The following LRPAP1 variants were observed in gnomAD, a reference collection of about 807,000 sequenced individuals.
LRPAP1 encodes the protein LDL receptor related protein associated protein 1, also known as alpha-2-macroglobulin receptor-associated protein.
Under a neutral mutation model 39.9 loss-of-function variants are expected in LRPAP1, and 41 were observed. That is an observed-to-expected ratio of 1.03 (90% CI 0.80 to 1.33). The LOEUF (loss-of-function observed/expected upper bound fraction) is 1.33. Ranked by LOEUF, LRPAP1 falls within the 40% of genes most tolerant of loss-of-function variation. The probability of loss-of-function intolerance (pLI) is 0.00; values close to 1 mark genes in which losing one functional copy is unlikely to be tolerated. For synonymous variants in LRPAP1, 263 were observed against 212.7 expected (o/e 1.24, Z -2.06); for missense variants, 565 against 482.3 (o/e 1.17, Z -1.61).
chr4:3,522,948 A>G (rs1226233560), intron 2 of LRPAP1, among the ~76,000 whole-genome samples: 3 of 151,744 alleles, frequency 2.0e-5, no homozygotes, highest in Non-Finnish European at 4.4e-5. Flanking sequence ...GGCACGGGGG[A>G]CCTCGGGGGT....
At chr4:3,520,305 T>G in intron 2 of LRPAP1, 112 bp from the exon 3 acceptor site, 1 of 1,135,266 alleles carries the variant, frequency 8.8e-7, no homozygotes, top group Non-Finnish European at 1.3e-6. Context: ...CATTTTCCAG[T>G]AGTTTCCTTT....
Position 3,524,148 on chromosome 4 carries a change from G to A in LRPAP1, c.349+759C>T, listed in dbSNP as rs768157067. On this transcript the variant is annotated intron_variant, in intron 2 of 7. Coordinates refer to ENST00000650182, the MANE Select transcript of LRPAP1 (RefSeq NM_002337.4). ...CCCACCTGGTGTGCGTCCTCTGCCCGCCAGTGCCCTGCCGACGGGCCCGTG... is the reference window on the plus strand; with the variant it reads ...CCCACCTGGTGTGCGTCCTCTGCCCACCAGTGCCCTGCCGACGGGCCCGTG... Among the ~76,000 whole-genome samples the A allele has an allele frequency of 3.3e-5, 5 of 152,198 alleles. No individual in the cohort carries two copies. In the South Asian group the frequency reaches 6.2e-4, roughly 19 times the overall value.
At chr4:3,530,667 G>C (rs1035979864) in intron 1 of LRPAP1, among the ~76,000 whole-genome samples, 2 of 152,216 alleles carry the variant, frequency 1.3e-5, no homozygotes, top group African/African-American at 4.8e-5. Flanking sequence ...GGACAGTGCA[G>C]GGGCAGCCCG....
At chr4:3,527,768 T>G (rs924526984) in intron 1 of LRPAP1, among the ~76,000 whole-genome samples, 1 of 152,180 alleles carries the variant, frequency 6.6e-6, no homozygotes, top group Non-Finnish European at 1.5e-5. Flanking sequence ...CCAGGGCTGC[T>G]GAAGTCCTGG....
chr4:3,512,901 G>A lies in LRPAP1; in HGVS notation c.*73C>T, dbSNP rs1015458269. The A allele has an allele frequency of 4.1e-5, 58 of 1,424,426 alleles. 2 individuals are homozygous for A. In the South Asian group the frequency reaches 6.1e-4, roughly 15 times the overall value. 88.2% of individuals were successfully genotyped at this position (1,424,426 alleles called of 1,614,324 possible). On this transcript the variant is annotated 3_prime_UTR_variant, in exon 8 of 8. Transcript: ENST00000650182. ...GCCACCCTGACGGCGGGCTGTCCAC[G>A]GAAATGCCACGGCCAAGAGCCCAGG...
At position 3,530,394 on chromosome 4, in the gene LRPAP1, T is replaced by C. The variant is rs115348963; in HGVS notation, c.204+1815A>G. On this transcript the variant is annotated intron_variant, in intron 1 of 7. Coordinates refer to ENST00000650182, the MANE Select transcript of LRPAP1 (RefSeq NM_002337.4). ...GCCTGCCTGCCATAGTACCAGGCTC[T>C]CTGGAATGGGGGAAGACACACAAAA... Among the ~76,000 whole-genome samples the C allele has an allele frequency of 9.8e-3, 1,492 of 152,302 alleles. 28 individuals are homozygous for C. Among genetic ancestry groups the C allele is most frequent in the African/African-American group, 0.035 (1,435 of 41,556 alleles).
Position 3,515,349 on chromosome 4 carries a change from C to G in LRPAP1, c.835-421G>C, listed in dbSNP as rs533629615. Among the ~76,000 whole-genome samples, 6 of 152,304 alleles carry G rather than the reference C, an allele frequency of 3.9e-5. No homozygotes were observed. In the South Asian group the frequency reaches 1.0e-3, roughly 26 times the overall value. ...CCCTGCCCTGCCTTGACCCCACGCT[C>G]CAGACCCAGGGCCCTCCATGTGGCC... On this transcript the variant is annotated intron_variant, in intron 6 of 7. Coordinates refer to ENST00000650182, the MANE Select transcript of LRPAP1 (RefSeq NM_002337.4).
At chr4:3,519,627 C>G (rs1729846436) in intron 3 of LRPAP1, among the ~76,000 whole-genome samples, 1 of 152,214 alleles carries the variant, frequency 6.6e-6, no homozygotes, top group Non-Finnish European at 1.5e-5. Context: ...CCCACCAGGC[C>G]CTGCTGGGTC....
Position 3,518,025 on chromosome 4 carries a change from G to A in LRPAP1, c.751+9C>T, listed in dbSNP as rs1056121700. 3.1e-6 allele frequency: 5 copies of A among 1,596,494 alleles called. No individual in the cohort carries two copies. The Admixed American group carries it at 5.1e-5, about 16-fold the overall frequency. Reference sequence around the variant, plus strand: ...CCTCGGGAACCAACAGTCCCGGGCGGGCACTCACCAGCCTCAGTGCTGTAG... The same window carrying A: ...CCTCGGGAACCAACAGTCCCGGGCGAGCACTCACCAGCCTCAGTGCTGTAG... On this transcript the variant is annotated intron_variant, in intron 5 of 7. Coordinates refer to ENST00000650182, the MANE Select transcript of LRPAP1 (RefSeq NM_002337.4).
At position 3,507,816 on chromosome 4, in the gene LRPAP1, A is replaced by G. The variant is rs1299097188; in HGVS notation, c.*5158T>C. 6.6e-6 allele frequency: 1 copy of G among 152,256 alleles called. No homozygotes were observed. Among genetic ancestry groups the G allele is most frequent in the Non-Finnish European group, 1.5e-5 (1 of 68,050 alleles). The allele number at this position is 152,256 out of a possible 1,614,324, so 9.4% of individuals were successfully genotyped here. ...TTTGGGGAAAATATCTGTAAAAATGATAAACTCTTAGCTAGTCTGATCAGG... is the reference window on the plus strand; with the variant it reads ...TTTGGGGAAAATATCTGTAAAAATGGTAAACTCTTAGCTAGTCTGATCAGG... On this transcript the variant is annotated 3_prime_UTR_variant, in exon 8 of 8. Coordinates refer to ENST00000650182, the MANE Select transcript of LRPAP1 (RefSeq NM_002337.4).
intron 2 of LRPAP1, among the ~76,000 whole-genome samples, chr4:3,520,630 C>CT (rs1323286140): frequency 6.6e-6 from 1 of 152,262 alleles, no homozygotes; most frequent in Non-Finnish European, 1.5e-5. Flanking sequence ...GGCAAAAACT[C>CT]TAAGGACCAC....
chr4:3,524,705 C>T (rs999370222), intron 2 of LRPAP1, among the ~76,000 whole-genome samples: 3 of 152,248 alleles, frequency 2.0e-5, no homozygotes, highest in Admixed American at 1.3e-4. Context: ...CCACCTCCCT[C>T]ATGAGGGTGA....
chr4:3,516,778 G>A (rs893897822), intron 5 of LRPAP1, among the ~76,000 whole-genome samples: 20 of 152,192 alleles, frequency 1.3e-4, no homozygotes, highest in African/African-American at 2.4e-5. Flanking sequence ...CTCCAACCAG[G>A]AGTGAGTAGT....
At chr4:3,532,107 G>T in intron 1 of LRPAP1, 102 bp downstream of exon 1, 1 of 1,314,384 alleles carries the variant, frequency 7.6e-7, no homozygotes, top group Non-Finnish European at 1.0e-6. Context: ...AGGTGCCCCG[G>T]CTGCGCCCCC....
chr4:3,509,196 C>T lies in LRPAP1; in HGVS notation c.*3778G>A, dbSNP rs1449082771. On this transcript the variant is annotated 3_prime_UTR_variant, in exon 8 of 8. Coordinates refer to ENST00000650182, the MANE Select transcript of LRPAP1 (RefSeq NM_002337.4). ...GATGAACTCAATACCTGGAGTCATA[C>T]ATGGCAGTCAACGCATGGACACCGG... 6.6e-6 allele frequency: 1 copy of T among 152,316 alleles called. No homozygotes were observed. Among genetic ancestry groups the T allele is most frequent in the Non-Finnish European group, 1.5e-5 (1 of 68,072 alleles). 9.4% of individuals were successfully genotyped at this position (152,316 alleles called of 1,614,324 possible).
Position 3,513,039 on chromosome 4 carries a change from G to A in LRPAP1, c.1012-3C>T. 1 of 1,611,312 alleles carries A rather than the reference G, an allele frequency of 6.2e-7. No individual in the cohort carries two copies. Among genetic ancestry groups the A allele is most frequent in the East Asian group, 2.2e-5 (1 of 44,750 alleles). On this transcript the variant is annotated splice_polypyrimidine_tract_variant and splice_region_variant and intron_variant, in intron 7 of 7. Transcript: ENST00000650182. ...AGGTCCTGCAGATGCTTCTTCACCT[G>A]TGGACAGAAACGTCTCATCAGCTGG...
rs1183916854 is a variant in LRPAP1, at chr4:3,509,784, C to T, written c.*3190G>A. The T allele has an allele frequency of 2.2e-5, 2 of 92,014 alleles. No homozygotes were observed. The highest frequency in any genetic ancestry group is 3.8e-4 in the East Asian group (1 of 2,664). 5.7% of individuals were successfully genotyped at this position (92,014 alleles called of 1,614,324 possible). ...GCGTGGACACTGGAGACTGCTGAGA[C>T]GCCGACTGGAGTCACACACGGCAGT... On this transcript the variant is annotated 3_prime_UTR_variant, in exon 8 of 8. Coordinates refer to ENST00000650182, the MANE Select transcript of LRPAP1 (RefSeq NM_002337.4).
Position 3,532,323 on chromosome 4 carries a change from G to A in LRPAP1, c.90C>T (p.Ser30=), listed in dbSNP as rs1730281877. Reference sequence around the variant, plus strand: ...TCTCCCGCGAGTACTTGCCGCCGTGGCTCGCAGCGGGCCAGGGCCCGAGGA... The same window carrying A: ...TCTCCCGCGAGTACTTGCCGCCGTGACTCGCAGCGGGCCAGGGCCCGAGGA... ...LLFLGPWPAA[S]HGGKYSREKN... is the part of the protein sequence containing the mutation. The change falls in exon 1 of 8, where the codon AGC becomes AGT. Residue 30 remains serine (S), a synonymous_variant. Transcript: ENST00000650182. 1.9e-6 allele frequency: 3 copies of A among 1,584,730 alleles called. No individual in the cohort carries two copies. The highest frequency in any genetic ancestry group is 2.6e-6 in the Non-Finnish European group (3 of 1,165,428).
At position 3,512,890 on chromosome 4, in the gene LRPAP1, G is replaced by A. The variant is rs1462220485; in HGVS notation, c.*84C>T. 19 of 1,250,786 alleles carry A rather than the reference G, an allele frequency of 1.5e-5. No homozygotes were observed. Among genetic ancestry groups the A allele is most frequent in the East Asian group, 7.6e-5 (3 of 39,340 alleles). 77.5% of individuals were successfully genotyped at this position (1,250,786 alleles called of 1,614,324 possible). A position where few individuals can be genotyped will look rare whatever the true frequency, so the allele number is the denominator to read the frequency against. On this transcript the variant is annotated 3_prime_UTR_variant, in exon 8 of 8. Transcript: ENST00000650182. ...TGCCAGCCCCAGCCACCCTGACGGC[G>A]GGCTGTCCACGGAAATGCCACGGCC...
Sources: gnomAD v4.1 joint callset for allele counts (sites outside exome capture counted in the v4.1 genomes callset) on GRCh38, gnomAD v4.1.1 for gene constraint, MANE v1.5 for transcripts, NCBI Gene and HGNC (gene_info 2026-07-23, HGNC 2026-07-21) for gene names.